TBC1D5: variants seen among roughly 807,000 people sequenced by gnomAD.
TBC1D5 encodes TBC1 domain family member 5, also known as TBC1 domain family, member 5.
A neutral mutation model predicts 100.3 loss-of-function variants in TBC1D5; 75 were observed. The ratio of observed to expected loss-of-function variants is 0.75; its 90% confidence interval spans 0.62 to 0.91. TBC1D5 has a LOEUF of 0.91. Ranked by LOEUF, TBC1D5 falls within the 40% of genes least tolerant of loss-of-function variation. The probability of loss-of-function intolerance (pLI) is 0.00; values close to 1 mark genes in which losing one functional copy is unlikely to be tolerated. For synonymous variants in TBC1D5, 323 were observed against 325.6 expected, an observed-to-expected ratio of 0.99 and a Z score of 0.09; for missense variants, 910 against 942.4, an observed-to-expected ratio of 0.97 and a Z score of 0.45.
At chr3:17,341,074 T>G (rs1278628191) in intron 13 of TBC1D5, among the ~76,000 whole-genome samples, 1 of 152,242 alleles carries the variant, frequency 6.6e-6, no homozygotes, top group Non-Finnish European at 1.5e-5. Context: ...AAATATTTTC[T>G]GCATATTATA....
chr3:17,273,809 CA>C (rs11450142), intron 15 of TBC1D5, among the ~76,000 whole-genome samples: 3,201 of 114,940 alleles, frequency 0.028, 107 homozygotes, highest in African/African-American at 0.085. Context: ...CTCTGTATCT[CA>C]AAAAAAAAAA....
intron 12 of TBC1D5, among the ~76,000 whole-genome samples, chr3:17,373,293 G>C (rs2092556918): frequency 6.6e-6 from 1 of 152,094 alleles, no homozygotes. Flanking sequence ...GGAATGAAGT[G>C]ACTGAGTAAT....
At chr3:17,734,054 T>C (rs1577898893) in intron 1 of TBC1D5, among the ~76,000 whole-genome samples, 1 of 152,140 alleles carries the variant, frequency 6.6e-6, no homozygotes. Flanking sequence ...GACCCAGCAA[T>C]TGTATTCACA....
chr3:17,185,145 A>G (rs755574728), exon 19 of TBC1D5: 11 of 1,613,780 alleles, frequency 6.8e-6, no homozygotes, highest in Non-Finnish European at 9.3e-6. Flanking sequence ...CAGTATTTGC[A>G]CATGGCATCC....
At position 17,476,096 on chromosome 3, in the gene TBC1D5, CTT is replaced by C. The variant is rs552288245; in HGVS notation, c.97+32376_97+32377del. Among the ~76,000 whole-genome samples, 706 of 151,926 alleles carry C rather than the reference CTT, an allele frequency of 4.6e-3. 1 individual carries two copies. The highest frequency in any genetic ancestry group is 0.016 in the African/African-American group (669 of 41,480). Reference sequence around the variant, plus strand: ...TTCTTCATACCTCTTGGATGCTAAACTTTTTTTAGTTTTGTATATTATCATCT... The same window carrying C: ...TTCTTCATACCTCTTGGATGCTAAACTTTTTAGTTTTGTATATTATCATCT... On this transcript the variant is annotated intron_variant, in intron 3 of 21. Transcript: ENST00000253692.
intron 3 of TBC1D5, among the ~76,000 whole-genome samples, chr3:17,471,292 G>A (rs2095369478): frequency 6.6e-6 from 1 of 152,178 alleles, no homozygotes; most frequent in Non-Finnish European, 1.5e-5. Context: ...TTCTTAAAAT[G>A]CATTTGAAAG....
chr3:17,375,829 T>C (rs757479659), intron 10 of TBC1D5, among the ~76,000 whole-genome samples: 2 of 152,180 alleles, frequency 1.3e-5, no homozygotes, highest in African/African-American at 4.8e-5. Flanking sequence ...TAATCAGATA[T>C]GTGAAATGTT....
intron 2 of TBC1D5, chr3:17,575,313 CA>C (rs199512274): frequency 0.018 from 2,542 of 138,784 alleles, 44 homozygotes; most frequent in South Asian, 0.051. Flanking sequence ...AATATTGCCT[CA>C]AAAAAAAAAA....
chr3:17,699,103 T>C (rs1304274345), intron 1 of TBC1D5, among the ~76,000 whole-genome samples: 149 of 149,834 alleles, frequency 9.9e-4, no homozygotes, highest in African/African-American at 3.2e-3. Context: ...CGTATGTTTA[T>C]TGCGGCATTA....
chr3:17,365,412 C>T lies in TBC1D5; in HGVS notation c.995+6663G>A, dbSNP rs190135603. ...TTGTTTCTCCCACTTCATCAATTAA[C>T]CCTTTGTAGGTCAAGTTTAAGATTA... On this transcript the variant is annotated intron_variant, in intron 13 of 21. Coordinates refer to ENST00000253692, the Ensembl canonical transcript of TBC1D5. 1.2e-3 allele frequency among the ~76,000 whole-genome samples: 184 copies of T among 152,300 alleles called. 2 individuals are homozygous for T. Among genetic ancestry groups the T allele is most frequent in the African/African-American group, 4.1e-3 (169 of 41,578 alleles).
At chr3:17,644,267 T>C (rs576620220) in intron 1 of TBC1D5, 28 of 152,256 alleles carry the variant, frequency 1.8e-4, no homozygotes, top group African/African-American at 6.5e-4. Flanking sequence ...TCTGTGTTTG[T>C]TGATTAAATA....
At chr3:17,185,347 A>T (rs2068912168) in intron 18 of TBC1D5, 139 bp from the exon 20 acceptor site, 1 of 575,752 alleles carries the variant, frequency 1.7e-6, no homozygotes, top group African/African-American at 1.9e-5. Flanking sequence ...GCAAACAAAA[A>T]CAAAATCACA....
At chr3:17,420,657 C>T (rs2094186457) in intron 4 of TBC1D5, among the ~76,000 whole-genome samples, 2 of 152,076 alleles carry the variant, frequency 1.3e-5, no homozygotes, top group Admixed American at 6.6e-5. Context: ...TTCAGTATTA[C>T]TGAGCAAATA....
intron 9 of TBC1D5, 89 bp from the exon 10 acceptor site, chr3:17,376,702 C>G: frequency 9.6e-7 from 1 of 1,046,820 alleles, no homozygotes; most frequent in South Asian, 2.2e-5. Flanking sequence ...CTTCTTCAAA[C>G]CAATTCCCAC....
intron 13 of TBC1D5, among the ~76,000 whole-genome samples, chr3:17,322,081 G>T (rs947237178): frequency 6.6e-6 from 1 of 152,158 alleles, no homozygotes; most frequent in African/African-American, 2.4e-5. Flanking sequence ...AAATTCTGCT[G>T]TGATTTGGGG....
chr3:17,213,981 C>T (rs996309761), intron 18 of TBC1D5, among the ~76,000 whole-genome samples: 1 of 129,332 alleles, frequency 7.7e-6, no homozygotes, highest in Admixed American at 8.8e-5. Flanking sequence ...AAAGATTCAA[C>T]TTATTTTAAA....
In TBC1D5 at chr3:17,619,744, G is replaced by A. The variant is rs546328025; in HGVS notation, c.-36+4105C>T. On this transcript the variant is annotated intron_variant, in intron 2 of 21. Transcript: ENST00000253692. ...TAAAGTACAGATATAAAATTTCGCA[G>A]GACAAAAATACATGAGAAGCAACAT... Among the ~76,000 whole-genome samples the A allele has an allele frequency of 1.1e-3, 166 of 152,154 alleles. 2 individuals carry two copies. Among genetic ancestry groups the A allele is most frequent in the Non-Finnish European group, 1.9e-3 (131 of 68,006 alleles).
chr3:17,729,348 T>TGA (rs10687921), intron 1 of TBC1D5, among the ~76,000 whole-genome samples: 71,279 of 142,794 alleles, frequency 0.5, 18,824 homozygotes, highest in East Asian at 0.94. Context: ...AGATGAAATT[T>TGA]GAGAGAAAAA....
intron 3 of TBC1D5, among the ~76,000 whole-genome samples, chr3:17,479,067 A>G (rs1236210338): frequency 1.3e-5 from 2 of 152,236 alleles, no homozygotes; most frequent in Non-Finnish European, 2.9e-5. Flanking sequence ...AAATGGCTAC[A>G]CAGCTCATTT....
Sources: allele counts gnomAD v4.1 joint callset (sites outside exome capture counted in the v4.1 genomes callset), GRCh38; gene constraint gnomAD v4.1.1; transcripts MANE v1.5; gene names NCBI Gene and HGNC (gene_info 2026-07-23, HGNC 2026-07-21).